Variants in TTC28 observed in about 807,000 individuals in gnomAD.
The protein encoded by TTC28 is tetratricopeptide repeat domain 28.
TTC28 carries 61 observed loss-of-function variants against 198.0 expected under a neutral mutation model. The observed-to-expected ratio is 0.31, with a 90% CI of 0.25 to 0.38. The LOEUF (loss-of-function observed/expected upper bound fraction) is 0.38, where lower values mean the gene tolerates loss of function less well. TTC28 is among the 10% of genes least tolerant of loss of function. TTC28 has a pLI of 1.00. For missense variants in TTC28, 2,678 were observed against 3,164.0 expected, an observed-to-expected ratio of 0.85 and a Z score of 3.69; for synonymous variants, 1,171 against 1,297.8, an observed-to-expected ratio of 0.90 and a Z score of 2.10.
At chr22:28,257,780 A>ATATATATATATATATTTTT (rs1241022504) in intron 5 of TTC28, among the ~76,000 whole-genome samples, 1 of 128,132 alleles carries the variant, frequency 7.8e-6, no homozygotes, top group Non-Finnish European at 1.7e-5. Flanking sequence ...ATATATATAT[A>ATATATATATATATATTTTT]TCTTCTACTT....
At chr22:28,421,661 T>A (rs1401957695) in intron 2 of TTC28, among the ~76,000 whole-genome samples, 1 of 151,934 alleles carries the variant, frequency 6.6e-6, no homozygotes, top group Admixed American at 6.6e-5. Context: ...TCAAGAAGAG[T>A]CATGGGCCGG....
At chr22:28,319,321 G>T (rs988459374) in intron 2 of TTC28, among the ~76,000 whole-genome samples, 4 of 152,126 alleles carry the variant, frequency 2.6e-5, no homozygotes, top group African/African-American at 9.7e-5. Flanking sequence ...GGTATTAGTT[G>T]TCAGTAAGCC....
chr22:28,239,821 G>A (rs1024702853), intron 5 of TTC28, among the ~76,000 whole-genome samples: 3 of 152,136 alleles, frequency 2.0e-5, no homozygotes, highest in Non-Finnish European at 2.9e-5. Context: ...GTCTCTACTT[G>A]CCTAAGAATC....
At chr22:28,092,094 A>T (rs1453736929) in intron 12 of TTC28, among the ~76,000 whole-genome samples, 5 of 152,172 alleles carry the variant, frequency 3.3e-5, no homozygotes, top group Non-Finnish European at 7.3e-5. Flanking sequence ...CTTCTTGTCA[A>T]CCTTTCTAAC....
intron 12 of TTC28, among the ~76,000 whole-genome samples, chr22:28,065,670 GT>G (rs1569116609): frequency 6.6e-6 from 1 of 152,030 alleles, no homozygotes; most frequent in African/African-American, 2.4e-5. Context: ...GAGATAATTT[GT>G]TTTCTTTTTT....
intron 1 of TTC28, among the ~76,000 whole-genome samples, chr22:28,657,103 C>T (rs1233408264): frequency 6.6e-6 from 1 of 152,162 alleles, no homozygotes; most frequent in Non-Finnish European, 1.5e-5. Flanking sequence ...CTAGTATTCC[C>T]ACTTTATACG....
At chr22:28,271,915 T>C (rs2145708516) in intron 5 of TTC28, among the ~76,000 whole-genome samples, 1 of 152,308 alleles carries the variant, frequency 6.6e-6, no homozygotes, top group South Asian at 2.1e-4. Flanking sequence ...TCTGGTGTTT[T>C]TATAAGGGTT....
rs1234351566 is a variant in TTC28, at chr22:28,018,274, T to C, written c.4074-3882A>G. Among the ~76,000 whole-genome samples, 3 of 113,650 alleles carry C rather than the reference T, an allele frequency of 2.6e-5. No individual in the cohort carries two copies. In the East Asian group the frequency reaches 9.2e-4, roughly 35 times the overall value. 74.6% of individuals were successfully genotyped at this position (113,650 alleles called of 152,430 possible). On this transcript the variant is annotated intron_variant, in intron 13 of 22. Coordinates refer to ENST00000397906, the MANE Select transcript of TTC28 (RefSeq NM_001145418.2). ...GTGTGTGTGTGTGTGTGTGTGTGTGTGTGTATGTGTGTGCGCGCGTGTGTG... is the reference window on the plus strand; with the variant it reads ...GTGTGTGTGTGTGTGTGTGTGTGTGCGTGTATGTGTGTGCGCGCGTGTGTG...
rs2046666705 is a variant in TTC28, at chr22:28,389,004, G to A, written c.382-82361C>T. Among the ~76,000 whole-genome samples the A allele has an allele frequency of 2.6e-5, 4 of 152,094 alleles. No homozygotes were observed. In the South Asian group the frequency reaches 8.3e-4, roughly 32 times the overall value. On this transcript the variant is annotated intron_variant, in intron 2 of 22. Transcript: ENST00000397906. ...TGTCATAGATAGCTCTTATTATTTT[G>A]AGATACGTCCCATCAATACCTAATT...
chr22:28,308,433 AT>A (rs2045187304), intron 2 of TTC28, among the ~76,000 whole-genome samples: 3 of 152,222 alleles, frequency 2.0e-5, no homozygotes, highest in Admixed American at 6.5e-5. Context: ...GACACAAAAA[AT>A]GTCTTAGTTA....
In TTC28 at chr22:28,568,421, A is replaced by C. The variant is rs746678022; in HGVS notation, c.381+61131T>G. On this transcript the variant is annotated intron_variant, in intron 2 of 22. Coordinates refer to ENST00000397906, the MANE Select transcript of TTC28 (RefSeq NM_001145418.2). ...TACAAATAGGAAGAGAAGTCAAACTATCTCTCTTCACAGATGATATGATGC... is the reference window on the plus strand; with the variant it reads ...TACAAATAGGAAGAGAAGTCAAACTCTCTCTCTTCACAGATGATATGATGC... Among the ~76,000 whole-genome samples the C allele has an allele frequency of 2.0e-5, 3 of 152,316 alleles. No homozygotes were observed. The East Asian group carries it at 5.8e-4, about 29-fold the overall frequency.
At chr22:27,993,796 G>A (rs1006329245) in intron 17 of TTC28, among the ~76,000 whole-genome samples, 4 of 152,106 alleles carry the variant, frequency 2.6e-5, no homozygotes, top group East Asian at 3.9e-4. Context: ...CACACTCTCC[G>A]CAGACAGTAA....
chr22:28,647,753 G>C (rs899353403), intron 1 of TTC28, among the ~76,000 whole-genome samples: 18 of 151,710 alleles, frequency 1.2e-4, no homozygotes, highest in African/African-American at 4.4e-4. Context: ...GCAAGAGAAT[G>C]GTGTGAACCT....
chr22:28,305,672 G>C (rs2045130014), intron 3 of TTC28, among the ~76,000 whole-genome samples: 2 of 152,032 alleles, frequency 1.3e-5, no homozygotes, highest in African/African-American at 4.8e-5. Flanking sequence ...GACATACCCT[G>C]ATTAAAATGA....
At chr22:28,521,919 A>G (rs556627828) in intron 2 of TTC28, among the ~76,000 whole-genome samples, 3 of 152,330 alleles carry the variant, frequency 2.0e-5, no homozygotes, top group East Asian at 1.9e-4. Context: ...GGAAAGCTCT[A>G]CAAGCTAGTC....
intron 2 of TTC28, among the ~76,000 whole-genome samples, chr22:28,357,288 G>C (rs1357140305): frequency 6.7e-6 from 1 of 150,322 alleles, no homozygotes; most frequent in Non-Finnish European, 1.5e-5. Context: ...TAGTCATTAG[G>C]TAGAAATCAC....
At chr22:28,132,151 A>C (rs1260341801) in intron 6 of TTC28, among the ~76,000 whole-genome samples, 1 of 152,218 alleles carries the variant, frequency 6.6e-6, no homozygotes, top group Non-Finnish European at 1.5e-5. Context: ...AAGACAATGA[A>C]CTACAAAAGT....
chr22:28,580,794 ACT>A (rs1408263816), intron 2 of TTC28, among the ~76,000 whole-genome samples: 2 of 152,060 alleles, frequency 1.3e-5, no homozygotes, highest in East Asian at 1.9e-4. Flanking sequence ...AAAACCACTG[ACT>A]CTTCAGATTT....
rs562545831 is a variant in TTC28, at chr22:28,339,592, G to A, written c.382-32949C>T. ...TACCTACTCAAGCCTTGGCAATGGCGGGCGCCCCTCCCCTAGCCTCGCTGC... is the reference window on the plus strand; with the variant it reads ...TACCTACTCAAGCCTTGGCAATGGCAGGCGCCCCTCCCCTAGCCTCGCTGC... On this transcript the variant is annotated intron_variant, in intron 2 of 22. Transcript: ENST00000397906. Among the ~76,000 whole-genome samples, 16 of 152,252 alleles carry A rather than the reference G, an allele frequency of 1.1e-4. No homozygotes were observed. In the East Asian group the frequency reaches 1.5e-3, roughly 15 times the overall value.
Sources: allele counts gnomAD v4.1 joint callset (sites outside exome capture counted in the v4.1 genomes callset), GRCh38; gene constraint gnomAD v4.1.1; transcripts MANE v1.5; gene names NCBI Gene and HGNC (gene_info 2026-07-23, HGNC 2026-07-21).